ARHGEF38: variants seen among roughly 807,000 people sequenced by gnomAD.
ARHGEF38 encodes Rho guanine nucleotide exchange factor (GEF) 38.
A neutral mutation model predicts 79.9 loss-of-function variants in ARHGEF38; 79 were observed. That is an observed-to-expected ratio of 0.99 (90% CI 0.82 to 1.19). ARHGEF38 has a LOEUF of 1.19. Among genes scored for constraint, ARHGEF38 ranks in the 50% most tolerant of loss-of-function variants. The pLI is 0.00. For missense variants in ARHGEF38, 962 were observed against 907.2 expected (o/e 1.06, Z -0.78); for synonymous variants, 366 against 328.3 (o/e 1.11, Z -1.24).
intron 2 of ARHGEF38, among the ~76,000 whole-genome samples, chr4:105,602,142 G>A (rs1371568847): frequency 6.6e-6 from 1 of 152,182 alleles, no homozygotes; most frequent in Non-Finnish European, 1.5e-5. Context: ...TGGAGGCAGG[G>A]TCAGGAGAGC....
chr4:105,631,269 A>G, intron 4 of ARHGEF38: 24 of 1,191,828 alleles, frequency 2.0e-5, no homozygotes, highest in Non-Finnish European at 2.3e-5. Flanking sequence ...GAAGATTTAG[A>G]GCTCTGCAGC....
At chr4:105,682,283 G>C (rs1285095340), downstream of ARHGEF38, among the ~76,000 whole-genome samples, 1 of 152,120 alleles carries the variant, frequency 6.6e-6, no homozygotes, top group Non-Finnish European at 1.5e-5. Context: ...AATTGGGAGG[G>C]AGAGGGAGAG....
chr4:105,643,133 G>GT (rs11412582), intron 5 of ARHGEF38, among the ~76,000 whole-genome samples: 3,584 of 143,112 alleles, frequency 0.025, 100 homozygotes, highest in African/African-American at 0.066. Context: ...TTTTTTGTTA[G>GT]TTTTTTTTTT....
In ARHGEF38 at chr4:105,655,690, C is replaced by T. The variant is rs1026073689; in HGVS notation, c.1201C>T (p.Leu401=). ...KDDEMDYSET[L]SNALNSCHDF... is the part of the protein sequence containing the mutation. ...CGATGAGATGGACTATTCTGAGACC[C>T]TAAGTAATGCCTTAAATTCGTGTCA... The change falls in exon 9 of 14, where the codon CTA becomes TTA. Residue 401 remains leucine (L), a synonymous_variant. Transcript: ENST00000420470. 3.3e-6 allele frequency: 5 copies of T among 1,535,428 alleles called. No homozygotes were observed. In the African/African-American group the frequency reaches 4.1e-5, roughly 13 times the overall value.
chr4:105,667,212 C>T lies in ARHGEF38; in HGVS notation c.1773C>T (p.Arg591=), dbSNP rs1389012167. 2.6e-6 allele frequency: 4 copies of T among 1,536,156 alleles called. No individual in the cohort carries two copies. The South Asian group carries it at 3.6e-5, about 14-fold the overall frequency. ...YSAEELYQAK[R]KCNATQEYDI... ...CAGAGGAACTCTATCAAGCTAAGCG[C>T]AAGTGCAATGCTACACAAGAATATG... The change falls in exon 12 of 14, where the codon CGC becomes CGT. Residue 591 remains arginine (R), a synonymous_variant. Coordinates refer to ENST00000420470, the MANE Select transcript of ARHGEF38 (RefSeq NM_001242729.2).
At chr4:105,640,802 T>A (rs1729587318) in intron 5 of ARHGEF38, among the ~76,000 whole-genome samples, 1 of 152,196 alleles carries the variant, frequency 6.6e-6, no homozygotes, top group Admixed American at 6.6e-5. Flanking sequence ...GGTAATTCTT[T>A]ATCATTTTCT....
chr4:105,586,231 T>TAAAAAAAAAAAAAAA (rs1560702892), intron 1 of ARHGEF38, among the ~76,000 whole-genome samples: 1 of 110,758 alleles, frequency 9.0e-6, no homozygotes, highest in African/African-American at 4.2e-5. Flanking sequence ...TTTGTTGGTT[T>TAAAAAAAAAAAAAAA]AAGAAATGCA....
rs546756963 is a variant in ARHGEF38, at chr4:105,566,400, C to T, written c.196+13439C>T. Reference sequence around the variant, plus strand: ...GTTATCATAATTCTATTTATACTAACTACAGTTTTAATTTTTTTATTTTTA... The same window carrying T: ...GTTATCATAATTCTATTTATACTAATTACAGTTTTAATTTTTTTATTTTTA... On this transcript the variant is annotated intron_variant, in intron 1 of 13. Coordinates refer to ENST00000420470, the MANE Select transcript of ARHGEF38 (RefSeq NM_001242729.2). Among the ~76,000 whole-genome samples the T allele has an allele frequency of 2.1e-3, 320 of 152,234 alleles. 3 individuals carry two copies. Among genetic ancestry groups the T allele is most frequent in the African/African-American group, 7.4e-3 (309 of 41,536 alleles).
chr4:105,561,452 AT>A (rs1725568761), intron 1 of ARHGEF38: 2 of 50,568 alleles, frequency 4.0e-5, no homozygotes, highest in African/African-American at 7.4e-5. Context: ...ATAGAATGGA[AT>A]AGAATAGAAT....
intron 5 of ARHGEF38, among the ~76,000 whole-genome samples, chr4:105,636,754 T>TA (rs1025033735): frequency 5.3e-5 from 8 of 152,094 alleles, no homozygotes; most frequent in Admixed American, 4.6e-4. Context: ...TATTAGTCTT[T>TA]AAAAAATCTC....
chr4:105,644,450 T>C (rs1729753119), intron 5 of ARHGEF38, among the ~76,000 whole-genome samples: 1 of 152,218 alleles, frequency 6.6e-6, no homozygotes, highest in Non-Finnish European at 1.5e-5. Flanking sequence ...GCTTGTAGCT[T>C]CTTCCCCTCC....
At chr4:105,592,546 CTCTT>C (rs1157709414) in intron 2 of ARHGEF38, among the ~76,000 whole-genome samples, 2 of 152,078 alleles carry the variant, frequency 1.3e-5, no homozygotes, top group Non-Finnish European at 2.9e-5. Context: ...TCCTTTTTCT[CTCTT>C]TCTTTCCATT....
chr4:105,643,946 A>G (rs555074833), intron 5 of ARHGEF38, among the ~76,000 whole-genome samples: 5 of 136,248 alleles, frequency 3.7e-5, no homozygotes, highest in Non-Finnish European at 7.6e-5. Flanking sequence ...GGCTCACTGC[A>G]GCCTCGACCT....
intron 6 of ARHGEF38, among the ~76,000 whole-genome samples, chr4:105,646,912 A>G (rs2110543142): frequency 6.6e-6 from 1 of 152,292 alleles, no homozygotes; most frequent in African/African-American, 2.4e-5. Context: ...TAAAACATTC[A>G]AAATGTATTT....
intron 1 of ARHGEF38, chr4:105,570,150 T>A (rs1383442114): frequency 2.0e-5 from 3 of 152,206 alleles, no homozygotes; most frequent in South Asian, 4.1e-4. Context: ...TTACATACAT[T>A]CACTGTATTC....
In ARHGEF38 at chr4:105,655,590, T is replaced by A; in HGVS notation, c.1114-13T>A. 6.5e-7 allele frequency: 1 copy of A among 1,533,512 alleles called. No homozygotes were observed. The highest frequency in any genetic ancestry group is 2.4e-5 in the East Asian group (1 of 40,880). 95.0% of individuals were successfully genotyped at this position (1,533,512 alleles called of 1,614,324 possible). On this transcript the variant is annotated splice_polypyrimidine_tract_variant and intron_variant, in intron 8 of 13. Coordinates refer to ENST00000420470, the MANE Select transcript of ARHGEF38 (RefSeq NM_001242729.2). ...AAACTTGCCTTTTTTGTAACTTTGT[T>A]CTTGGGTTTCAGGATGCCATGCCCC... is the stretch of plus-strand genomic sequence containing the variant.
chr4:105,619,776 G>A (rs540769378), intron 3 of ARHGEF38, among the ~76,000 whole-genome samples: 7 of 152,278 alleles, frequency 4.6e-5, no homozygotes, highest in Non-Finnish European at 1.0e-4. Flanking sequence ...TGAGCCAAAC[G>A]TTGTAGACAG....
At chr4:105,635,152 A>G (rs539815853) in intron 4 of ARHGEF38, among the ~76,000 whole-genome samples, 3 of 152,248 alleles carry the variant, frequency 2.0e-5, no homozygotes, top group South Asian at 4.1e-4. Flanking sequence ...AGTGATAAAT[A>G]TATTAAATTA....
intron 1 of ARHGEF38, chr4:105,570,085 G>C (rs1204462273): frequency 6.6e-6 from 1 of 152,138 alleles, no homozygotes; most frequent in Non-Finnish European, 1.5e-5. Context: ...TCGGAGCTAA[G>C]CACATAAAGT....
Sources: gnomAD v4.1 joint callset for allele counts (sites outside exome capture counted in the v4.1 genomes callset) on GRCh38, gnomAD v4.1.1 for gene constraint, MANE v1.5 for transcripts, NCBI Gene and HGNC (gene_info 2026-07-23, HGNC 2026-07-21) for gene names.